The following VPS8 variants were observed in gnomAD, a reference collection of about 807,000 sequenced individuals.
The protein encoded by VPS8 is VPS8 subunit of CORVET complex.
In VPS8, 129 loss-of-function variants were observed where a neutral mutation model predicts 216.4. The ratio of observed to expected loss-of-function variants is 0.60; its 90% CI spans 0.52 to 0.69. The LOEUF (loss-of-function observed/expected upper bound fraction) is 0.69, where lower values mean the gene tolerates loss of function less well. Among genes scored for constraint, VPS8 ranks in the 30% least tolerant of loss-of-function variants. The probability of loss-of-function intolerance (pLI) is 0.00; values close to 1 mark genes in which losing one functional copy is unlikely to be tolerated. For synonymous variants in VPS8, 571 were observed against 565.4 expected, an observed-to-expected ratio of 1.01 and a Z score of -0.14; for missense variants, 1,531 against 1,683.5, an observed-to-expected ratio of 0.91 and a Z score of 1.59.
intron 42 of VPS8, among the ~76,000 whole-genome samples, chr3:184,987,446 T>G (rs1240745310): frequency 6.6e-6 from 1 of 152,078 alleles, no homozygotes; most frequent in African/African-American, 2.4e-5. Context: ...CCTATAGTTT[T>G]ACCTCTTCCA....
At chr3:184,814,718 A>G (rs1227016584) in intron 1 of VPS8, among the ~76,000 whole-genome samples, 3 of 152,220 alleles carry the variant, frequency 2.0e-5, no homozygotes, top group Non-Finnish European at 2.9e-5. Context: ...GTAGTGAGTG[A>G]GTGTGAAGGC....
chr3:184,944,157 G>T (rs1743259071), intron 36 of VPS8, among the ~76,000 whole-genome samples: 1 of 152,172 alleles, frequency 6.6e-6, no homozygotes, highest in South Asian at 2.1e-4. Flanking sequence ...AGTTGAATTT[G>T]TGTGGATATT....
intron 39 of VPS8, among the ~76,000 whole-genome samples, chr3:184,967,714 G>A (rs906776386): frequency 4.6e-5 from 7 of 152,092 alleles, no homozygotes; most frequent in African/African-American, 1.7e-4. Flanking sequence ...GCACACACCT[G>A]TAGTCCCAGC....
intron 25 of VPS8, among the ~76,000 whole-genome samples, chr3:184,904,629 A>T (rs1466697751): frequency 6.6e-6 from 1 of 152,108 alleles, no homozygotes; most frequent in Non-Finnish European, 1.5e-5. Context: ...TTCATAAGAG[A>T]TATTGTTCTA....
chr3:184,871,391 T>C lies in VPS8; in HGVS notation c.1734+586T>C, dbSNP rs375677754. Among the ~76,000 whole-genome samples the C allele has an allele frequency of 5.9e-5, 9 of 152,292 alleles. No homozygotes were observed. The East Asian group carries it at 1.2e-3, about 20-fold the overall frequency. On this transcript the variant is annotated intron_variant, in intron 21 of 47. Coordinates refer to ENST00000625842, the MANE Select transcript of VPS8 (RefSeq NM_001009921.3). ...GCAAATTGCTGTTCCCCATTCCTAC[T>C]ACTCCCTTCCCTCTGCCTACCTCCT...
chr3:184,909,424 T>G (rs372596147), intron 25 of VPS8, among the ~76,000 whole-genome samples: 3 of 152,234 alleles, frequency 2.0e-5, no homozygotes, highest in African/African-American at 7.2e-5. Flanking sequence ...TCTGTTTCTC[T>G]GGGTTTTGAT....
intron 36 of VPS8, among the ~76,000 whole-genome samples, 163 bp downstream of exon 36, chr3:184,940,406 G>T (rs1742466980): frequency 6.6e-6 from 1 of 152,016 alleles, no homozygotes; most frequent in East Asian, 1.9e-4. Flanking sequence ...GAAAATAGAA[G>T]ATCTGAACGA....
intron 15 of VPS8, 150 bp downstream of exon 15, chr3:184,860,215 T>C: frequency 1.5e-6 from 1 of 677,292 alleles, no homozygotes; most frequent in Non-Finnish European, 2.4e-6. Flanking sequence ...CTCGTGCCTG[T>C]AGTCCCAGCT....
At chr3:185,033,340 A>C (rs1358365243) in intron 46 of VPS8, among the ~76,000 whole-genome samples, 6 of 152,146 alleles carry the variant, frequency 3.9e-5, no homozygotes, top group Non-Finnish European at 8.8e-5. Context: ...TACTATATCC[A>C]TAGTTTTGCC....
intron 30 of VPS8, among the ~76,000 whole-genome samples, chr3:184,925,663 C>T (rs1407741677): frequency 6.6e-6 from 1 of 152,074 alleles, no homozygotes; most frequent in Non-Finnish European, 1.5e-5. Context: ...ATTCAAGTGG[C>T]CTGACTCCTA....
chr3:184,878,636 T>C (rs1729713706), intron 21 of VPS8, among the ~76,000 whole-genome samples: 2 of 152,080 alleles, frequency 1.3e-5, no homozygotes, highest in Non-Finnish European at 2.9e-5. Context: ...CTGAGAAGAT[T>C]TGAGGAGAGG....
intron 40 of VPS8, among the ~76,000 whole-genome samples, chr3:184,979,101 G>A (rs1749772864): frequency 6.6e-6 from 1 of 151,910 alleles, no homozygotes; most frequent in African/African-American, 2.4e-5. Flanking sequence ...TCATTTAATT[G>A]CATGGTTTTG....
chr3:184,879,222 GT>G (rs1242980192), intron 21 of VPS8, among the ~76,000 whole-genome samples: 1 of 152,088 alleles, frequency 6.6e-6, no homozygotes, highest in Non-Finnish European at 1.5e-5. Flanking sequence ...TGTCAGCTCA[GT>G]TTTTTATTTG....
chr3:184,982,942 A>G (rs1234336134), intron 41 of VPS8, 70 bp from the exon 42 acceptor site: 2 of 1,349,786 alleles, frequency 1.5e-6, no homozygotes, highest in Non-Finnish European at 2.0e-6. Context: ...CTGTTTTTCC[A>G]CAGACTTATA....
chr3:184,919,756 ACAGACTG>A (rs1371372585), intron 28 of VPS8, among the ~76,000 whole-genome samples: 1 of 152,202 alleles, frequency 6.6e-6, no homozygotes, highest in Non-Finnish European at 1.5e-5. Context: ...TTTCCAAATA[ACAGACTG>A]AATGATGGCT....
chr3:184,928,940 C>T (rs1043465824), intron 32 of VPS8, among the ~76,000 whole-genome samples: 23 of 151,972 alleles, frequency 1.5e-4, no homozygotes, highest in African/African-American at 5.6e-4. Flanking sequence ...ATTTATATGA[C>T]ATGTAATTCT....
chr3:184,979,963 G>T (rs1749924045), intron 40 of VPS8, among the ~76,000 whole-genome samples: 2 of 152,188 alleles, frequency 1.3e-5, no homozygotes, highest in South Asian at 4.1e-4. Flanking sequence ...TGTTTCGCTT[G>T]AGGACCTCTT....
intron 20 of VPS8, 43 bp from the exon 21 acceptor site, chr3:184,870,673 A>C: frequency 2.2e-5 from 32 of 1,441,654 alleles, no homozygotes; most frequent in Non-Finnish European, 2.7e-5. Context: ...GAAAAACTTT[A>C]GAGATATATT....
intron 22 of VPS8, chr3:184,893,189 C>G (rs1042449216): frequency 9.0e-7 from 1 of 1,105,078 alleles, no homozygotes; most frequent in African/African-American, 1.7e-5. Flanking sequence ...GTGTGGAGTT[C>G]TGGTGCAGTT....
Sources: allele counts gnomAD v4.1 joint callset (sites outside exome capture counted in the v4.1 genomes callset), GRCh38; gene constraint gnomAD v4.1.1; transcripts MANE v1.5; gene names NCBI Gene and HGNC (gene_info 2026-07-23, HGNC 2026-07-21).